Variants in RSRC1 observed in about 807,000 individuals in gnomAD.
RSRC1 encodes the protein serine/Arginine-related protein 53.
RSRC1 carries 39 observed loss-of-function variants against 49.1 expected under a neutral mutation model. The ratio of observed to expected loss-of-function variants is 0.79; its 90% CI spans 0.61 to 1.04. The LOEUF (loss-of-function observed/expected upper bound fraction) is 1.04, where lower values mean the gene tolerates loss of function less well. RSRC1 is among the 50% of genes least tolerant of loss of function. The pLI, the probability that RSRC1 is intolerant of heterozygous loss-of-function variation, is 0.00. For synonymous variants in RSRC1, 143 were observed against 130.8 expected, an observed-to-expected ratio of 1.09 and a Z score of -0.63; for missense variants, 388 against 402.4, an observed-to-expected ratio of 0.96 and a Z score of 0.31.
intron 6 of RSRC1, among the ~76,000 whole-genome samples, chr3:158,390,592 A>G (rs990929533): frequency 3.9e-5 from 6 of 152,174 alleles, no homozygotes; most frequent in Non-Finnish European, 8.8e-5. Context: ...TACTAACTAC[A>G]TAGAATTTCT....
chr3:158,348,538 A>C (rs1389570792), intron 5 of RSRC1, among the ~76,000 whole-genome samples: 1 of 152,068 alleles, frequency 6.6e-6, no homozygotes, highest in Non-Finnish European at 1.5e-5. Context: ...CTGACCTATC[A>C]TTTGGTTAAT....
At chr3:158,534,703 A>C (rs1712619358) in intron 7 of RSRC1, among the ~76,000 whole-genome samples, 2 of 151,598 alleles carry the variant, frequency 1.3e-5, no homozygotes, top group African/African-American at 4.8e-5. Flanking sequence ...AGAAACAACT[A>C]ACCATCCATA....
intron 6 of RSRC1, among the ~76,000 whole-genome samples, chr3:158,432,062 GA>G (rs1735793414): frequency 6.6e-6 from 1 of 151,860 alleles, no homozygotes; most frequent in African/African-American, 2.4e-5. Flanking sequence ...ATGTTGGGGG[GA>G]TCTGACAGGC....
At chr3:158,485,764 G>A (rs1024067207) in intron 7 of RSRC1, among the ~76,000 whole-genome samples, 2 of 151,958 alleles carry the variant, frequency 1.3e-5, no homozygotes, top group Admixed American at 6.6e-5. Context: ...TCCAATACAG[G>A]TTGACTTCAA....
intron 6 of RSRC1, among the ~76,000 whole-genome samples, chr3:158,455,716 A>G (rs1200158369): frequency 1.3e-5 from 2 of 152,064 alleles, no homozygotes; most frequent in African/African-American, 4.8e-5. Flanking sequence ...GCGGTGGCTT[A>G]CGCCTGTAAT....
chr3:158,205,324 A>C (rs945666300), intron 4 of RSRC1, among the ~76,000 whole-genome samples: 3 of 152,120 alleles, frequency 2.0e-5, no homozygotes, highest in African/African-American at 7.2e-5. Context: ...CTGGACTTAG[A>C]ATCTTTTGTA....
At chr3:158,199,941 G>C (rs932585106) in intron 3 of RSRC1, among the ~76,000 whole-genome samples, 1 of 151,586 alleles carries the variant, frequency 6.6e-6, no homozygotes, top group African/African-American at 2.4e-5. Context: ...TTTTATTTTG[G>C]GTGACACTCT....
chr3:158,341,356 C>A (rs1578362030), intron 5 of RSRC1, among the ~76,000 whole-genome samples: 1 of 152,256 alleles, frequency 6.6e-6, no homozygotes, highest in East Asian at 1.9e-4. Flanking sequence ...GTCCAGGTCC[C>A]TATGCTGTGT....
At chr3:158,358,709 T>C (rs373947221) in intron 6 of RSRC1, among the ~76,000 whole-genome samples, 4 of 152,296 alleles carry the variant, frequency 2.6e-5, no homozygotes, top group African/African-American at 9.6e-5. Flanking sequence ...GTTCTAAACA[T>C]TGCAATCACT....
chr3:158,308,537 A>T (rs1202653417), intron 5 of RSRC1, among the ~76,000 whole-genome samples: 1 of 151,902 alleles, frequency 6.6e-6, no homozygotes, highest in African/African-American at 2.4e-5. Flanking sequence ...TGTCATTCTG[A>T]TGGGGAAATT....
At chr3:158,234,736 G>A (rs988433390) in intron 4 of RSRC1, among the ~76,000 whole-genome samples, 2 of 151,748 alleles carry the variant, frequency 1.3e-5, no homozygotes, top group Non-Finnish European at 2.9e-5. Flanking sequence ...TATATTCTTC[G>A]AACTGAAATA....
chr3:158,440,664 T>C (rs1736334443), intron 6 of RSRC1, among the ~76,000 whole-genome samples: 1 of 151,960 alleles, frequency 6.6e-6, no homozygotes, highest in African/African-American at 2.4e-5. Flanking sequence ...GAGAAACCAG[T>C]TGGGCGCAGT....
chr3:158,240,178 GTTA>G (rs1378035310), intron 4 of RSRC1, among the ~76,000 whole-genome samples: 1 of 151,996 alleles, frequency 6.6e-6, no homozygotes, highest in African/African-American at 2.4e-5. Context: ...GCCTATTACA[GTTA>G]TTATTTTTTA....
intron 6 of RSRC1, among the ~76,000 whole-genome samples, chr3:158,406,814 G>A (rs546929589): frequency 1.6e-4 from 25 of 152,048 alleles, no homozygotes; most frequent in Non-Finnish European, 3.4e-4. Flanking sequence ...GGTTTGGGGG[G>A]CAGTTTATTT....
At chr3:158,216,930 C>T (rs567380743) in intron 4 of RSRC1, among the ~76,000 whole-genome samples, 125 of 151,816 alleles carry the variant, frequency 8.2e-4, no homozygotes, top group Middle Eastern at 6.8e-3. Context: ...AGGCAGTGCT[C>T]CTTTTTCACT....
At chr3:158,178,519 T>A (rs1354713790) in intron 3 of RSRC1, among the ~76,000 whole-genome samples, 2 of 152,234 alleles carry the variant, frequency 1.3e-5, no homozygotes, top group Non-Finnish European at 2.9e-5. Flanking sequence ...CTTTTCGATA[T>A]ACCAACTTTT....
At chr3:158,279,547 T>G (rs1265888210) in intron 4 of RSRC1, among the ~76,000 whole-genome samples, 1 of 152,248 alleles carries the variant, frequency 6.6e-6, no homozygotes, top group Non-Finnish European at 1.5e-5. Flanking sequence ...TAGCGCACTT[T>G]TAAATTCTCC....
At chr3:158,140,684 C>T (rs941604588) in intron 3 of RSRC1, among the ~76,000 whole-genome samples, 3 of 152,202 alleles carry the variant, frequency 2.0e-5, no homozygotes, top group Admixed American at 2.0e-4. Flanking sequence ...CCAATTTCCT[C>T]TTAGGTGATT....
intron 5 of RSRC1, among the ~76,000 whole-genome samples, chr3:158,337,584 TA>T (rs889746708): frequency 2.6e-5 from 4 of 152,202 alleles, no homozygotes; most frequent in African/African-American, 4.8e-5. Context: ...GAGAGGTGGT[TA>T]GAATAATTAT....
Sources: allele counts gnomAD v4.1 joint callset (sites outside exome capture counted in the v4.1 genomes callset), GRCh38; gene constraint gnomAD v4.1.1; transcripts MANE v1.5; gene names NCBI Gene and HGNC (gene_info 2026-07-23, HGNC 2026-07-21).